The following BABAM2 variants were observed in gnomAD, a reference collection of about 807,000 sequenced individuals.
BABAM2 encodes the protein BRISC and BRCA1 A complex member 2.
Under a neutral mutation model 54.7 loss-of-function variants are expected in BABAM2, and 31 were observed. The observed-to-expected ratio is 0.57, with a 90% CI of 0.43 to 0.77. The LOEUF (loss-of-function observed/expected upper bound fraction) is 0.77, where lower values mean the gene tolerates loss of function less well. Ranked by LOEUF, BABAM2 falls within the 30% of genes least tolerant of loss-of-function variation. The pLI, the probability that BABAM2 is intolerant of heterozygous loss-of-function variation, is 0.00. For missense variants in BABAM2, 364 were observed against 455.8 expected (o/e 0.80, Z 1.83); for synonymous variants, 167 against 162.9 (o/e 1.03, Z -0.19).
chr2:27,919,371 C>G (rs1317595830), intron 2 of BABAM2, among the ~76,000 whole-genome samples: 1 of 152,126 alleles, frequency 6.6e-6, no homozygotes, highest in African/African-American at 2.4e-5. Flanking sequence ...TGGCTAAGAC[C>G]TCCAGTACAA....
chr2:27,951,974 G>T (rs550882924), intron 3 of BABAM2, among the ~76,000 whole-genome samples: 1 of 152,160 alleles, frequency 6.6e-6, no homozygotes, highest in Non-Finnish European at 1.5e-5. Flanking sequence ...TTGGAAGAAG[G>T]ATATGGAAAT....
In BABAM2 at chr2:28,012,897, G is replaced by A. The variant is rs73923981; in HGVS notation, c.301-12329G>A. On this transcript the variant is annotated intron_variant, in intron 4 of 11. Coordinates refer to ENST00000379624, the MANE Select transcript of BABAM2 (RefSeq NM_199191.3). ...AAGAGATGTGGTTTAAAATTTCTTC[G>A]CTCTCCACTTCTCTCCCACCTTTGT... Among the ~76,000 whole-genome samples, 483 of 152,072 alleles carry A rather than the reference G, an allele frequency of 3.2e-3. 4 individuals are homozygous for A. The highest frequency in any genetic ancestry group is 0.011 in the African/African-American group (461 of 41,482).
At chr2:28,008,551 C>T (rs1222750145) in intron 4 of BABAM2, among the ~76,000 whole-genome samples, 1 of 152,182 alleles carries the variant, frequency 6.6e-6, no homozygotes, top group Non-Finnish European at 1.5e-5. Flanking sequence ...GAAAGCATGT[C>T]TGCAGGCTGA....
At chr2:28,258,343 T>A (rs906380735) in intron 10 of BABAM2, among the ~76,000 whole-genome samples, 1 of 152,202 alleles carries the variant, frequency 6.6e-6, no homozygotes, top group African/African-American at 2.4e-5. Context: ...AACTCAGTAA[T>A]GTACTGCCAT....
At chr2:27,966,916 C>CTTA (rs898941533) in intron 3 of BABAM2, among the ~76,000 whole-genome samples, 1 of 152,150 alleles carries the variant, frequency 6.6e-6, no homozygotes, top group Admixed American at 6.5e-5. Context: ...ATACCAAAGC[C>CTTA]TTATCTTATG....
chr2:28,014,981 A>G (rs994479826), intron 4 of BABAM2, among the ~76,000 whole-genome samples: 1 of 152,236 alleles, frequency 6.6e-6, no homozygotes, highest in African/African-American at 2.4e-5. Flanking sequence ...AAATGACATA[A>G]CACATTCTAA....
chr2:28,035,364 GAGGATGTAGT>G (rs1478269999), intron 5 of BABAM2, among the ~76,000 whole-genome samples: 1 of 152,148 alleles, frequency 6.6e-6, no homozygotes, highest in Non-Finnish European at 1.5e-5. Flanking sequence ...CTACTGGCAT[GAGGATGTAGT>G]AGGTGCTCTG....
chr2:28,219,289 C>G (rs766540897), intron 7 of BABAM2, among the ~76,000 whole-genome samples: 2 of 152,244 alleles, frequency 1.3e-5, no homozygotes, highest in Non-Finnish European at 2.9e-5. Context: ...TTATTTGGCT[C>G]ATAGCCCCCT....
chr2:27,978,177 T>A lies in BABAM2; in HGVS notation c.206-9816T>A, dbSNP rs569016864. Among the ~76,000 whole-genome samples the A allele has an allele frequency of 2.0e-5, 3 of 152,260 alleles. No homozygotes were observed. In the East Asian group the frequency reaches 5.8e-4, roughly 30 times the overall value. ...GAATGGTGTGGTGCTGTCCTTGTGATAATGAAAGAGTTCTTGCTCTGACTT... is the reference window on the plus strand; with the variant it reads ...GAATGGTGTGGTGCTGTCCTTGTGAAAATGAAAGAGTTCTTGCTCTGACTT... On this transcript the variant is annotated intron_variant, in intron 3 of 11. Coordinates refer to ENST00000379624, the MANE Select transcript of BABAM2 (RefSeq NM_199191.3).
chr2:27,964,030 C>T (rs1670669645), intron 3 of BABAM2, among the ~76,000 whole-genome samples: 1 of 152,130 alleles, frequency 6.6e-6, no homozygotes, highest in South Asian at 2.1e-4. Context: ...CAATGTAGTG[C>T]TGTTGAGAGG....
intron 7 of BABAM2, among the ~76,000 whole-genome samples, chr2:28,202,860 G>T (rs1678425607): frequency 2.6e-5 from 4 of 152,176 alleles, no homozygotes; most frequent in Admixed American, 1.3e-4. Flanking sequence ...TATGCCTTGA[G>T]TGCTTCAATC....
chr2:28,072,085 A>G (rs1483109732), intron 6 of BABAM2, among the ~76,000 whole-genome samples: 2 of 152,108 alleles, frequency 1.3e-5, no homozygotes, highest in African/African-American at 4.8e-5. Flanking sequence ...CAGTGGCACT[A>G]TCATAACTCA....
chr2:28,043,613 A>G (rs1411017401), intron 5 of BABAM2, among the ~76,000 whole-genome samples: 1 of 152,020 alleles, frequency 6.6e-6, no homozygotes, highest in Non-Finnish European at 1.5e-5. Context: ...TCAAAGTATG[A>G]CCCCTTGTAC....
At chr2:28,167,737 TAAC>T (rs1196721581) in intron 7 of BABAM2, among the ~76,000 whole-genome samples, 1 of 149,220 alleles carries the variant, frequency 6.7e-6, no homozygotes, top group Non-Finnish European at 1.5e-5. Flanking sequence ...AATAAATAAA[TAAC>T]GCAGTTTGCT....
At position 28,325,026 on chromosome 2, in the gene BABAM2, T is replaced by G. The variant is rs1690330556; in HGVS notation, c.1089-13424T>G. 6.6e-6 allele frequency among the ~76,000 whole-genome samples: 1 copy of G among 152,158 alleles called. No homozygotes were observed. The highest frequency in any genetic ancestry group is 6.5e-5 in the Admixed American group (1 of 15,274). On this transcript the variant is annotated intron_variant, in intron 11 of 11. Transcript: ENST00000379624. This position sits in a 1 kb window ranked among gnomAD's most constrained non-coding sequence, Gnocchi z 4.3. Reference sequence around the variant, plus strand: ...TTTTTTAACCACAATCTACAAGATATTTTACATTTGAATCCAGTATATATA... The same window carrying G: ...TTTTTTAACCACAATCTACAAGATAGTTTACATTTGAATCCAGTATATATA...
At chr2:27,930,210 C>A in intron 3 of BABAM2, 1 of 245,368 alleles carries the variant, frequency 4.1e-6, no homozygotes. Context: ...AAAGAGTCCA[C>A]TGCTTTAGAA....
chr2:28,215,606 TCCATCCAAGA>T (rs1179857609), intron 7 of BABAM2, among the ~76,000 whole-genome samples: 1 of 152,192 alleles, frequency 6.6e-6, no homozygotes, highest in Non-Finnish European at 1.5e-5. Flanking sequence ...TTATCTTGCA[TCCATCCAAGA>T]CCATCAGTCT....
chr2:28,263,718 A>C (rs988398830), intron 10 of BABAM2, among the ~76,000 whole-genome samples: 5 of 152,362 alleles, frequency 3.3e-5, no homozygotes, highest in African/African-American at 1.2e-4. Context: ...CTATGGTCAG[A>C]ATTCCAACCT....
At chr2:28,247,152 T>G (rs1336555791) in intron 10 of BABAM2, among the ~76,000 whole-genome samples, 1 of 152,178 alleles carries the variant, frequency 6.6e-6, no homozygotes, top group Non-Finnish European at 1.5e-5. Flanking sequence ...CTTTTTCCAG[T>G]GTTTCCTGGA....
Sources: allele counts gnomAD v4.1 joint callset (sites outside exome capture counted in the v4.1 genomes callset), GRCh38; gene constraint gnomAD v4.1.1; non-coding constraint Gnocchi (gnomAD v3.1); transcripts MANE v1.5; gene names NCBI Gene and HGNC (gene_info 2026-07-23, HGNC 2026-07-21).